Variants in PCDHGA7 observed in about 807,000 individuals in gnomAD.
PCDHGA7 encodes the protein protocadherin gamma-A7.
In PCDHGA7, 44 loss-of-function variants were observed where a neutral mutation model predicts 58.3. The ratio of observed to expected loss-of-function variants is 0.75; its 90% CI spans 0.59 to 0.97. The LOEUF (loss-of-function observed/expected upper bound fraction) is 0.97, where lower values mean the gene tolerates loss of function less well. PCDHGA7 is among the 50% of genes least tolerant of loss of function. The pLI is 0.00. For synonymous variants in PCDHGA7, 516 were observed against 504.2 expected (o/e 1.02, Z -0.31); for missense variants, 1,266 against 1,188.7 (o/e 1.06, Z -0.96).
chr5:141,415,484 G>C (rs369349538), intron 1 of PCDHGA7: 18 of 1,614,102 alleles, frequency 1.1e-5, no homozygotes, highest in Non-Finnish European at 1.5e-5. Flanking sequence ...TCGCGAAAGA[G>C]TCACCTGATC....
chr5:141,431,536 G>T lies in PCDHGA7; in HGVS notation c.2424+46213G>T. Reference sequence around the variant, plus strand: ...TTCCGGAGAATCTGGCCTTGGGCACGCAGCTGCTTGTAGTCAACGCTACCG... The same window carrying T: ...TTCCGGAGAATCTGGCCTTGGGCACTCAGCTGCTTGTAGTCAACGCTACCG... On this transcript the variant is annotated intron_variant, in intron 1 of 3. Coordinates refer to ENST00000518325, the MANE Select transcript of PCDHGA7 (RefSeq NM_018920.4). The surrounding 1 kb of genome is among the most constrained non-coding windows in gnomAD (Gnocchi z 4.8). 6.2e-7 allele frequency: 1 copy of T among 1,614,068 alleles called. No homozygotes were observed. Among genetic ancestry groups the T allele is most frequent in the Non-Finnish European group, 8.5e-7 (1 of 1,180,022 alleles).
chr5:141,454,628 AC>A (rs1272822911), intron 1 of PCDHGA7, among the ~76,000 whole-genome samples: 2 of 151,334 alleles, frequency 1.3e-5, no homozygotes, highest in Non-Finnish European at 2.9e-5. Context: ...CTGGTCTCGA[AC>A]CCCCAACCTC....
At chr5:141,505,345 G>C (rs776607130) in intron 2 of PCDHGA7, 48 bp from the exon 3 acceptor site, 3 of 1,613,086 alleles carry the variant, frequency 1.9e-6, no homozygotes, top group Non-Finnish European at 2.5e-6. Flanking sequence ...AGGGGCATGA[G>C]CTGTGCCGGC....
rs200580042 is a variant in PCDHGA7 at position 141,486,553 on chromosome 5, T to C, written c.2425-8254T>C. 5.4e-5 allele frequency: 87 copies of C among 1,614,028 alleles called. No individual in the cohort carries two copies. The highest frequency in any genetic ancestry group is 7.2e-5 in the Non-Finnish European group (85 of 1,180,046). On this transcript the variant is annotated intron_variant, in intron 1 of 3. Coordinates refer to ENST00000518325, the MANE Select transcript of PCDHGA7 (RefSeq NM_018920.4). The surrounding 1 kb of genome is among the most constrained non-coding windows in gnomAD (Gnocchi z 5.0). ...CACCCTCTTTCTTTCAGAGGTCACA[T>C]GAGGTGTTTGTTCCTGAGAACAATC...
rs2099883627 is a variant in PCDHGA7, at chr5:141,511,136, G to A, written c.2762G>A (p.Gly921Asp). 4.3e-6 allele frequency: 7 copies of A among 1,614,194 alleles called. No homozygotes were observed. The East Asian group carries it at 1.6e-4, about 36-fold the overall frequency. The change falls in exon 4 of 4, where the codon GGC (glycine) becomes GAC (aspartate). Residue 921 changes from glycine (G) to aspartate (D), a missense_variant. Physicochemically the swap from Gly to Asp is moderately conservative, Grantham distance 94. Coordinates refer to ENST00000518325, the MANE Select transcript of PCDHGA7 (RefSeq NM_018920.4). ...GGCAAGGCCCCAGCAGGTGGCAATG[G>A]CAACAAGAAGAAGTCGGGCAAGAAG... Reference protein sequence around the residue: ...RDGKAPAGGNGNKKKSGKKEK... With the variant: ...RDGKAPAGGNDNKKKSGKKEK...
intron 1 of PCDHGA7, chr5:141,413,247 CGGGATTCCAT>C: frequency 6.2e-7 from 1 of 1,613,940 alleles, no homozygotes; most frequent in South Asian, 1.1e-5. Flanking sequence ...GCCTTTTCTT[CGGGATTCCAT>C]GGGAGGCTGG....
rs751805838 is a variant in PCDHGA7, at chr5:141,409,319, G to T, written c.2424+23996G>T. 3 of 1,613,988 alleles carry T rather than the reference G, an allele frequency of 1.9e-6. No homozygotes were observed. The Admixed American group carries it at 5.0e-5, about 27-fold the overall frequency. ...GGTTGTTGCCCTCTTCAAAACACGG[G>T]ATCTGGATTTCGGAGGAAATGGAGA... is the stretch of plus-strand genomic sequence containing the variant. On this transcript the variant is annotated intron_variant, in intron 1 of 3. Coordinates refer to ENST00000518325, the MANE Select transcript of PCDHGA7 (RefSeq NM_018920.4).
intron 1 of PCDHGA7, among the ~76,000 whole-genome samples, chr5:141,450,267 C>T (rs971441306): frequency 4.6e-5 from 7 of 152,106 alleles, no homozygotes; most frequent in African/African-American, 1.7e-4. Context: ...ATCTGCCCAC[C>T]TCAGCTAAGT....
At chr5:141,392,750 G>C in intron 1 of PCDHGA7, 1 of 1,451,824 alleles carries the variant, frequency 6.9e-7, no homozygotes, top group Non-Finnish European at 9.1e-7. Flanking sequence ...GCTGCGGCAA[G>C]AAACTAAATA....
At chr5:141,444,672 A>G (rs990955921) in intron 1 of PCDHGA7, among the ~76,000 whole-genome samples, 2 of 152,086 alleles carry the variant, frequency 1.3e-5, no homozygotes, top group Non-Finnish European at 2.9e-5. Flanking sequence ...ATTTTTTTCA[A>G]TACCATTTAT....
chr5:141,403,161 G>A (rs1435695987), intron 1 of PCDHGA7: 12 of 1,614,026 alleles, frequency 7.4e-6, no homozygotes, highest in Non-Finnish European at 1.0e-5. Context: ...GTCTCTAGAG[G>A]TAGGACGCAG....
chr5:141,450,678 G>C (rs1038323301), intron 1 of PCDHGA7, among the ~76,000 whole-genome samples: 1 of 151,854 alleles, frequency 6.6e-6, no homozygotes, highest in Non-Finnish European at 1.5e-5. Context: ...GTAGAAACGG[G>C]GTTTTGCCAT....
chr5:141,477,878 C>T lies in PCDHGA7; in HGVS notation c.2425-16929C>T. On this transcript the variant is annotated intron_variant, in intron 1 of 3. Coordinates refer to ENST00000518325, the MANE Select transcript of PCDHGA7 (RefSeq NM_018920.4). The surrounding 1 kb of genome is among the most constrained non-coding windows in gnomAD (Gnocchi z 4.9). ...GCTGCCTCGAGGTACCTCAGCTGGC[C>T]ACCTAGTGTCACGGGTGGTAGGCTG... 2.5e-6 allele frequency: 4 copies of T among 1,614,158 alleles called. No individual in the cohort carries two copies. Among genetic ancestry groups the T allele is most frequent in the Non-Finnish European group, 3.4e-6 (4 of 1,180,008 alleles).
At position 141,494,925 on chromosome 5, in the gene PCDHGA7, G is replaced by A. The variant is rs936071950; in HGVS notation, c.2483+60G>A. On this transcript the variant is annotated intron_variant, in intron 2 of 3. Coordinates refer to ENST00000518325, the MANE Select transcript of PCDHGA7 (RefSeq NM_018920.4). ...TGCGGCATTTTCTCAGGGATGACGT[G>A]GGAGGAGATGGGGGAGGGCCCAGCA... is the stretch of plus-strand genomic sequence containing the variant. The A allele has an allele frequency of 3.3e-4, 525 of 1,613,316 alleles. 2 individuals carry two copies. Among genetic ancestry groups the A allele is most frequent in the Admixed American group, 4.7e-4 (28 of 59,956 alleles).
intron 1 of PCDHGA7, chr5:141,427,677 C>G: frequency 1.2e-6 from 1 of 816,672 alleles, no homozygotes; most frequent in Non-Finnish European, 2.1e-6. Context: ...AAACAACCTT[C>G]CCGGAGCCTC....
chr5:141,414,741 A>C, intron 1 of PCDHGA7: 1 of 1,614,158 alleles, frequency 6.2e-7, no homozygotes. Flanking sequence ...ATGCACTCAG[A>C]TCCTTCGACT....
intron 2 of PCDHGA7, among the ~76,000 whole-genome samples, chr5:141,500,292 T>A (rs1001226545): frequency 2.0e-5 from 3 of 151,954 alleles, no homozygotes; most frequent in Non-Finnish European, 4.4e-5. Context: ...CACTGCAAGC[T>A]CCGCCTCCCA....
At chr5:141,426,639 AATGTGATGATAGAAGATATAAATG>A (rs1418104928) in intron 1 of PCDHGA7, 1 of 407,642 alleles carries the variant, frequency 2.5e-6, no homozygotes, top group Non-Finnish European at 5.0e-6. Context: ...TTTTCACATA[AATGTGATGATAGAAGATATAAATG>A]ATAACCCACC....
chr5:141,465,606 T>C (rs192541390), intron 1 of PCDHGA7, among the ~76,000 whole-genome samples: 22 of 152,338 alleles, frequency 1.4e-4, no homozygotes, highest in African/African-American at 5.3e-4. Context: ...TATCACTCTT[T>C]GGCCCTCCAG....
Sources: allele counts gnomAD v4.1 joint callset (sites outside exome capture counted in the v4.1 genomes callset), GRCh38; gene constraint gnomAD v4.1.1; non-coding constraint Gnocchi (gnomAD v3.1); transcripts MANE v1.5; gene names NCBI Gene and HGNC (gene_info 2026-07-23, HGNC 2026-07-21).